The following CALHM4 variants were observed in gnomAD, a reference collection of about 807,000 sequenced individuals.
The protein encoded by CALHM4 is calcium homeostasis modulator protein 4.
In CALHM4, 16 loss-of-function variants were observed where a neutral mutation model predicts 13.3. That is an observed-to-expected ratio of 1.20 (90% CI 0.81 to 1.82). CALHM4 has a LOEUF of 1.82. Among genes scored for constraint, CALHM4 ranks in the 40% most tolerant of loss-of-function variants. The pLI is 0.00. For missense variants in CALHM4, 344 were observed against 374.9 expected (o/e 0.92, Z 0.68); for synonymous variants, 127 against 137.1 (o/e 0.93, Z 0.52).
chr6:116,531,052 C>G (rs1554236002), intron 1 of CALHM4, among the ~76,000 whole-genome samples: 1 of 151,736 alleles, frequency 6.6e-6, no homozygotes, highest in Non-Finnish European at 1.5e-5. Flanking sequence ...CTGAGGGGCT[C>G]CCTATGATCA....
rs548492645 is a variant in CALHM4, at chr6:116,547,508, G to A, written c.-1+3636G>A. ...AGCAGAGCCCCTGCCAGGTGCTACT[G>A]TACAAAGCACAACCTTCACGACCAC... On this transcript the variant is annotated intron_variant, in intron 2 of 2. Coordinates refer to the CALHM4 transcript ENST00000368597. Among the ~76,000 whole-genome samples, 13 of 152,312 alleles carry A rather than the reference G, an allele frequency of 8.5e-5. No individual in the cohort carries two copies. The South Asian group carries it at 2.5e-3, about 29-fold the overall frequency.
At chr6:116,549,334 A>G (rs1357893647), upstream of CALHM4, among the ~76,000 whole-genome samples, 1 of 152,190 alleles carries the variant, frequency 6.6e-6, no homozygotes, top group Non-Finnish European at 1.5e-5. Context: ...AAGCCTAAGG[A>G]AAGATGTGGC....
chr6:116,540,269 G>A (rs537366974), intron 1 of CALHM4: 1 of 1,187,400 alleles, frequency 8.4e-7, no homozygotes, highest in Non-Finnish European at 1.2e-6. Flanking sequence ...AATGAATGCA[G>A]ATGGAACCTG....
chr6:116,534,658 T>C (rs1446623603), intron 1 of CALHM4, among the ~76,000 whole-genome samples: 2 of 152,208 alleles, frequency 1.3e-5, no homozygotes, highest in Non-Finnish European at 2.9e-5. Flanking sequence ...CCACTTAGAT[T>C]TACTTCCCTG....
intron 1 of CALHM4, among the ~76,000 whole-genome samples, chr6:116,530,625 G>C (rs1209256259): frequency 6.6e-6 from 1 of 152,066 alleles, no homozygotes; most frequent in Non-Finnish European, 1.5e-5. Context: ...CTTGCTAATG[G>C]TCTAAAATAT....
rs1385451694 is a variant in CALHM4 at position 116,560,515 on chromosome 6, C to A, written c.*2304C>A. On this transcript the variant is annotated 3_prime_UTR_variant, in exon 2 of 2. Transcript: ENST00000368596. Reference sequence around the variant, plus strand: ...TTTCTGGCAAAGGATTCTAAGTATTCGTTGGCTCTTCTACATGGCTTCAGA... The same window carrying A: ...TTTCTGGCAAAGGATTCTAAGTATTAGTTGGCTCTTCTACATGGCTTCAGA... 6.6e-6 allele frequency among the ~76,000 whole-genome samples: 1 copy of A among 152,014 alleles called. No individual in the cohort carries two copies. Among genetic ancestry groups the A allele is most frequent in the African/African-American group, 2.4e-5 (1 of 41,366 alleles).
In CALHM4 at chr6:116,557,861, G is replaced by A. The variant is rs369609677; in HGVS notation, c.595G>A (p.Ala199Thr). ...GWILITLATI[A>T]ALVSCCVAKC... ...GATTTTGATCACCTTGGCAACCATTGCTGCCTTAGTCTCCTGCTGTGTGGC... is the reference window on the plus strand; with the variant it reads ...GATTTTGATCACCTTGGCAACCATTACTGCCTTAGTCTCCTGCTGTGTGGC... Residue 199 changes from alanine (A) to threonine (T), a missense_variant, in exon 2 of 2, where the codon GCT becomes ACT. Physicochemically the swap from Ala to Thr is moderately conservative, Grantham distance 58 (BLOSUM62 0). Coordinates refer to ENST00000368596, the MANE Select transcript of CALHM4 (RefSeq NM_001366078.2). 9.3e-6 allele frequency: 15 copies of A among 1,613,830 alleles called. No homozygotes were observed. Among genetic ancestry groups the A allele is most frequent in the Middle Eastern group, 3.3e-4 (2 of 6,082 alleles).
At chr6:116,550,950 A>C (rs528854305), upstream of CALHM4, among the ~76,000 whole-genome samples, 40 of 152,272 alleles carry the variant, frequency 2.6e-4, no homozygotes, top group African/African-American at 9.1e-4. Context: ...TCATACACCA[A>C]GCCAATGTTT....
chr6:116,543,838 A>G, exon 2 of CALHM4: 2 of 1,534,312 alleles, frequency 1.3e-6, no homozygotes, highest in South Asian at 2.4e-5. Context: ...TGCCAAGGAG[A>G]CCTTCAGGAT....
rs775820897 is a variant in CALHM4 at position 116,536,625 on chromosome 6, T to C, written c.-108-7140T>C. Among the ~76,000 whole-genome samples, 108 of 152,340 alleles carry C rather than the reference T, an allele frequency of 7.1e-4. 1 individual carries two copies. The highest frequency in any genetic ancestry group is 4.6e-3 in the Admixed American group (71 of 15,304). ...TCTTCAAATGCATTCCTTCTCTCTC[T>C]TTCCTTCCCTGGAGACAGGACAGAG... On this transcript the variant is annotated intron_variant, in intron 1 of 2. Transcript: ENST00000368597.
At chr6:116,529,860 T>C in intron 1 of CALHM4, among the ~76,000 whole-genome samples, 1 of 152,216 alleles carries the variant, frequency 6.6e-6, no homozygotes, top group Admixed American at 6.5e-5. Flanking sequence ...TCTGAGCCTA[T>C]ACCATAAAGT....
chr6:116,532,964 A>G (rs1322722070), intron 1 of CALHM4, among the ~76,000 whole-genome samples: 1 of 152,216 alleles, frequency 6.6e-6, no homozygotes, highest in East Asian at 1.9e-4. Context: ...GAAAGATCTA[A>G]TGAACATTTC....
At chr6:116,538,210 A>G (rs9488959) in intron 1 of CALHM4, among the ~76,000 whole-genome samples, 2,701 of 152,316 alleles carry the variant, frequency 0.018, 75 homozygotes, top group African/African-American at 0.061. Context: ...TGTTGCCCTC[A>G]GCGCTAATAA....
intron 1 of CALHM4, among the ~76,000 whole-genome samples, chr6:116,555,544 A>G (rs1417646042): frequency 1.2e-5 from 1 of 83,018 alleles, no homozygotes; most frequent in Non-Finnish European, 2.5e-5. Context: ...TAAATATTTC[A>G]TATCTTAATT....
intron 1 of CALHM4, among the ~76,000 whole-genome samples, chr6:116,533,323 T>C (rs1213858567): frequency 2.6e-5 from 4 of 152,190 alleles, no homozygotes; most frequent in Non-Finnish European, 4.4e-5. Context: ...AATTTCACAG[T>C]ATTTAACAAA....
upstream of CALHM4, among the ~76,000 whole-genome samples, chr6:116,552,817 G>A (rs960400028): frequency 2.0e-5 from 3 of 152,202 alleles, no homozygotes; most frequent in Admixed American, 2.0e-4. Context: ...TCTCACACCT[G>A]TAATCCCAGC....
chr6:116,530,681 CAG>C (rs918372782), intron 1 of CALHM4, among the ~76,000 whole-genome samples: 8 of 151,982 alleles, frequency 5.3e-5, no homozygotes, highest in African/African-American at 1.7e-4. Context: ...CTTCCAAGTG[CAG>C]AGTCATTTTA....
Position 116,553,934 on chromosome 6 carries a change from A to T in CALHM4, c.141A>T (p.Lys47Asn). 1 of 1,550,576 alleles carries T rather than the reference A, an allele frequency of 6.4e-7. No homozygotes were observed. The highest frequency in any genetic ancestry group is 1.2e-5 in the South Asian group (1 of 84,060). The change falls in exon 1 of 2, where the codon AAA (lysine) becomes AAT (asparagine). Residue 47 changes from lysine to asparagine, a missense_variant. Lys to Asn is a moderately conservative substitution (Grantham distance 94). Transcript: ENST00000368596. ...STFSCPCQVGKNFYYGSAFLV... is the reference protein window; with the variant it reads ...STFSCPCQVGNNFYYGSAFLV... ...TCAGCTGTCCTTGTCAGGTTGGAAA[A>T]AATTTCTATTATGGTTCTGCTTTTC... is the stretch of plus-strand genomic sequence containing the variant.
At chr6:116,543,898 A>C in intron 2 of CALHM4, 1 of 1,495,164 alleles carries the variant, frequency 6.7e-7, no homozygotes, top group East Asian at 2.5e-5. Context: ...TTTTACTTAG[A>C]GAAAAAAGGG....
Sources: allele counts gnomAD v4.1 joint callset (sites outside exome capture counted in the v4.1 genomes callset), GRCh38; gene constraint gnomAD v4.1.1; transcripts MANE v1.5; gene names NCBI Gene and HGNC (gene_info 2026-07-23, HGNC 2026-07-21).